The following NEBL variants were observed in gnomAD, a reference collection of about 807,000 sequenced individuals.
The protein encoded by NEBL is nebulette, also known as LIM and SH3 protein 2.
In NEBL, 122 loss-of-function variants were observed where a neutral mutation model predicts 140.2. That is an observed-to-expected ratio of 0.87 (90% CI 0.75 to 1.01). NEBL has a LOEUF of 1.01. Among genes scored for constraint, NEBL ranks in the 50% least tolerant of loss-of-function variants. The pLI is 0.00. For missense variants in NEBL, 1,365 were observed against 1,231.3 expected (o/e 1.11, Z -1.62); for synonymous variants, 436 against 398.9 (o/e 1.09, Z -1.11).
chr10:21,244,567 G>A (rs1196298186), intron 3 of NEBL, among the ~76,000 whole-genome samples: 1 of 151,510 alleles, frequency 6.6e-6, no homozygotes, highest in Non-Finnish European at 1.5e-5. Flanking sequence ...CAGGAGAATC[G>A]CTTGAACCTG....
chr10:20,834,194 C>T (rs1840677256), intron 14 of NEBL, among the ~76,000 whole-genome samples: 1 of 151,996 alleles, frequency 6.6e-6, no homozygotes, highest in Admixed American at 6.6e-5. Flanking sequence ...AACAATCAAC[C>T]ACTTAAATGG....
chr10:21,211,695 C>T (rs1324488635), intron 3 of NEBL, among the ~76,000 whole-genome samples: 1 of 152,142 alleles, frequency 6.6e-6, no homozygotes, highest in Non-Finnish European at 1.5e-5. Flanking sequence ...CGTCTGAGTC[C>T]TTTTGTAAAG....
chr10:21,239,531 A>T (rs1028887072), intron 3 of NEBL, among the ~76,000 whole-genome samples: 1 of 151,896 alleles, frequency 6.6e-6, no homozygotes, highest in African/African-American at 2.4e-5. Flanking sequence ...AAGACCCCCA[A>T]ACCCAGAATT....
chr10:20,987,897 T>C (rs1837316563), intron 3 of NEBL, among the ~76,000 whole-genome samples: 1 of 152,134 alleles, frequency 6.6e-6, no homozygotes, highest in Non-Finnish European at 1.5e-5. Context: ...TGCCCACCAG[T>C]CTCCACAGCT....
At position 21,139,889 on chromosome 10, in the gene NEBL, G is replaced by A. The variant is rs988574172; in HGVS notation, c.164+32494C>T. 7.9e-5 allele frequency among the ~76,000 whole-genome samples: 12 copies of A among 151,122 alleles called. No individual in the cohort carries two copies. In the East Asian group the frequency reaches 1.4e-3, roughly 17 times the overall value. ...ACATGGTCAGGCACTGGTGGCTCAC[G>A]CCTGTAATCCCAGCACTTTGGGAGG... On this transcript the variant is annotated intron_variant, in intron 2 of 6. Coordinates refer to the NEBL transcript ENST00000417816.
intron 26 of NEBL, among the ~76,000 whole-genome samples, chr10:20,800,455 G>A (rs1837005009): frequency 6.6e-6 from 1 of 152,094 alleles, no homozygotes; most frequent in African/African-American, 2.4e-5. Context: ...ATATTTACAG[G>A]GTGGTGGTTT....
At chr10:20,994,351 G>A (rs1837582448) in intron 3 of NEBL, among the ~76,000 whole-genome samples, 1 of 152,074 alleles carries the variant, frequency 6.6e-6, no homozygotes, top group Non-Finnish European at 1.5e-5. Context: ...CCAACTCCAG[G>A]GGGATCTTTC....
intron 2 of NEBL, among the ~76,000 whole-genome samples, chr10:21,148,042 G>A (rs1564527542): frequency 6.6e-6 from 1 of 152,174 alleles, no homozygotes; most frequent in Non-Finnish European, 1.5e-5. Flanking sequence ...AATATAAAAT[G>A]AGTGCTAAGA....
intron 4 of NEBL, among the ~76,000 whole-genome samples, chr10:20,910,243 G>A (rs1848274172): frequency 1.3e-5 from 2 of 152,130 alleles, no homozygotes; most frequent in African/African-American, 4.8e-5. Context: ...TACAAAAGCA[G>A]TATTTCTTTT....
chr10:20,834,911 T>C (rs1840729591), intron 14 of NEBL, among the ~76,000 whole-genome samples: 2 of 152,194 alleles, frequency 1.3e-5, no homozygotes, highest in African/African-American at 4.8e-5. Context: ...TCACAGAATT[T>C]AAGACAAAAC....
chr10:20,949,461 A>G (rs969473000), intron 4 of NEBL, among the ~76,000 whole-genome samples: 1 of 152,242 alleles, frequency 6.6e-6, no homozygotes, highest in Non-Finnish European at 1.5e-5. Flanking sequence ...CGTAAAGTAA[A>G]AAATAAAAAG....
At chr10:20,963,214 C>T (rs1425237559) in intron 3 of NEBL, among the ~76,000 whole-genome samples, 1 of 152,224 alleles carries the variant, frequency 6.6e-6, no homozygotes, top group African/African-American at 2.4e-5. Context: ...TTAGCCTTCT[C>T]ACCCTCCATC....
chr10:21,207,757 C>A (rs1408279421), intron 3 of NEBL, among the ~76,000 whole-genome samples: 1 of 152,114 alleles, frequency 6.6e-6, no homozygotes, highest in African/African-American at 2.4e-5. Context: ...GAAAAGCAGC[C>A]CTCTACCCAC....
At chr10:20,890,575 G>C (rs931961738) in intron 2 of NEBL, among the ~76,000 whole-genome samples, 3 of 152,168 alleles carry the variant, frequency 2.0e-5, no homozygotes, top group African/African-American at 7.2e-5. Flanking sequence ...AACCTGCCCA[G>C]AAAGCTTGCT....
At chr10:20,971,159 AAGATC>A (rs1836552596) in intron 3 of NEBL, among the ~76,000 whole-genome samples, 1 of 152,248 alleles carries the variant, frequency 6.6e-6, no homozygotes, top group Non-Finnish European at 1.5e-5. Context: ...TCTTTTAGGA[AAGATC>A]AGATTAGCAG....
intron 2 of NEBL, among the ~76,000 whole-genome samples, chr10:21,111,398 G>A (rs1838007520): frequency 6.6e-6 from 1 of 152,046 alleles, no homozygotes; most frequent in South Asian, 2.1e-4. Flanking sequence ...CAGATATATA[G>A]ACCAATGGAA....
intron 2 of NEBL, among the ~76,000 whole-genome samples, chr10:21,088,708 C>A (rs922559295): frequency 3.3e-5 from 5 of 152,210 alleles, no homozygotes; most frequent in African/African-American, 1.2e-4. Flanking sequence ...ATAGTGACAG[C>A]CATCCTTCCA....
At chr10:20,834,740 A>G (rs1282752194) in intron 14 of NEBL, among the ~76,000 whole-genome samples, 1 of 152,196 alleles carries the variant, frequency 6.6e-6, no homozygotes, top group African/African-American at 2.4e-5. Flanking sequence ...CACTTTTTAT[A>G]AAATCATCAC....
intron 3 of NEBL, among the ~76,000 whole-genome samples, chr10:21,230,199 T>C (rs1446081654): frequency 6.6e-6 from 1 of 152,134 alleles, no homozygotes; most frequent in African/African-American, 2.4e-5. Context: ...TCTAAAGAAA[T>C]ATAAAGAATA....
Sources: allele counts gnomAD v4.1 joint callset (sites outside exome capture counted in the v4.1 genomes callset), GRCh38; gene constraint gnomAD v4.1.1; transcripts MANE v1.5; gene names NCBI Gene and HGNC (gene_info 2026-07-23, HGNC 2026-07-21).